ZNF500: variants seen among roughly 807,000 people sequenced by gnomAD.
The protein encoded by ZNF500 is zinc finger protein with KRAB and SCAN domains 18.
ZNF500 carries 31 observed loss-of-function variants against 30.1 expected under a neutral mutation model. The observed-to-expected ratio is 1.03, with a 90% CI of 0.77 to 1.39. The LOEUF is 1.39. Among genes scored for constraint, ZNF500 ranks in the 40% most tolerant of loss-of-function variants. The probability of loss-of-function intolerance (pLI) is 0.00; values close to 1 mark genes in which losing one functional copy is unlikely to be tolerated. For synonymous variants in ZNF500, 392 were observed against 282.0 expected (o/e 1.39, Z -3.91); for missense variants, 817 against 657.8 (o/e 1.24, Z -2.65).
At chr16:4,766,172 AC>A (rs2082263697) in intron 1 of ZNF500, 96 bp from the exon 2 acceptor site, 2 of 515,078 alleles carry the variant, frequency 3.9e-6, no homozygotes, top group Non-Finnish European at 6.5e-6. Context: ...AGGCCAGCTC[AC>A]CCCACCATGG....
downstream of ZNF500, chr16:4,745,129 C>A: frequency 7.6e-7 from 1 of 1,323,376 alleles, no homozygotes; most frequent in Admixed American, 2.1e-5. Context: ...CAGTCACTCT[C>A]AAGCATCTGA....
intron 2 of ZNF500, among the ~76,000 whole-genome samples, chr16:4,764,363 T>C (rs1251131453): frequency 6.6e-6 from 1 of 151,862 alleles, no homozygotes; most frequent in Admixed American, 6.6e-5. Context: ...CTGTCTCTAC[T>C]AAAAATACAA....
In ZNF500 at chr16:4,762,775, C is replaced by T. The variant is rs1013414728; in HGVS notation, c.415-19G>A. The T allele has an allele frequency of 5.7e-6, 9 of 1,571,380 alleles. No homozygotes were observed. In the Middle Eastern group the frequency reaches 1.4e-3, roughly 237 times the overall value. On this transcript the variant is annotated intron_variant, in intron 2 of 5. Coordinates refer to ENST00000219478, the MANE Select transcript of ZNF500 (RefSeq NM_021646.4). ...CTGAGCCCTGCACACAGACAGTGATCTCCCCACCAGCTCCCAGAAGGCCAG... is the reference window on the plus strand; with the variant it reads ...CTGAGCCCTGCACACAGACAGTGATTTCCCCACCAGCTCCCAGAAGGCCAG...
At chr16:4,760,889 C>A (rs2082191150) in intron 4 of ZNF500, among the ~76,000 whole-genome samples, 1 of 152,176 alleles carries the variant, frequency 6.6e-6, no homozygotes. Context: ...GAGACAAGAG[C>A]ATCCCCTGGC....
intron 4 of ZNF500, among the ~76,000 whole-genome samples, chr16:4,761,918 G>T (rs568532065): frequency 6.6e-6 from 1 of 152,082 alleles, no homozygotes; most frequent in African/African-American, 2.4e-5. Flanking sequence ...GCAAACAAAG[G>T]AGACTCCCAT....
downstream of ZNF500, among the ~76,000 whole-genome samples, chr16:4,744,446 G>A (rs2081987460): frequency 1.3e-5 from 2 of 152,030 alleles, 1 homozygote; most frequent in South Asian, 4.1e-4. Flanking sequence ...TCGATGAGGG[G>A]ATCTCCGTAG....
chr16:4,746,970 G>T, downstream of ZNF500: 2 of 1,554,710 alleles, frequency 1.3e-6, no homozygotes, highest in East Asian at 2.4e-5. Flanking sequence ...GGAGGAGGAA[G>T]AGATGGCAGC....
chr16:4,746,654 C>A (rs753806838), downstream of ZNF500: 56 of 1,180,238 alleles, frequency 4.7e-5, no homozygotes, highest in Middle Eastern at 7.1e-4. Context: ...AAAGTGCTGG[C>A]CTACAGTCCC....
At position 4,765,838 on chromosome 16, in the gene ZNF500, C is replaced by T. The variant is rs769704966; in HGVS notation, c.141G>A (p.Glu47=). Residue 47 remains glutamate (E), a synonymous_variant, in exon 2 of 6, where the codon GAG becomes GAA. Transcript: ENST00000219478. ...PSVETEDPSP[E]TFRQLFRLFC... ...AGAGCCGGAAGAGCTGGCGGAAAGT[C>T]TCAGGGCTGGGGTCCTCCGTCTCCA... 8 of 1,613,784 alleles carry T rather than the reference C, an allele frequency of 5.0e-6. No individual in the cohort carries two copies. Among genetic ancestry groups the T allele is most frequent in the South Asian group, 3.3e-5 (3 of 91,090 alleles).
chr16:4,757,600 C>T (rs1465680837), intron 5 of ZNF500, among the ~76,000 whole-genome samples: 1 of 150,450 alleles, frequency 6.6e-6, no homozygotes, highest in African/African-American at 2.4e-5. Context: ...ATGCCCGGCC[C>T]GTTTTTGTTT....
At chr16:4,745,468 C>T (rs2082003300), downstream of ZNF500, among the ~76,000 whole-genome samples, 1 of 152,230 alleles carries the variant, frequency 6.6e-6, no homozygotes, top group East Asian at 1.9e-4. Context: ...GGGAGAAAGG[C>T]AAGCTGCAGT....
At chr16:4,746,188 C>A, downstream of ZNF500, 1 of 572,202 alleles carries the variant, frequency 1.7e-6, no homozygotes, top group South Asian at 2.7e-5. Flanking sequence ...TTCTGTTGGC[C>A]AGTGGTGGCC....
At chr16:4,747,285 A>C, downstream of ZNF500, 4 of 1,498,846 alleles carry the variant, frequency 2.7e-6, no homozygotes, top group Non-Finnish European at 3.6e-6. Context: ...TTCAGTAAGG[A>C]GGGCTGGGAG....
chr16:4,746,436 A>T, downstream of ZNF500: 1 of 1,613,600 alleles, frequency 6.2e-7, no homozygotes, highest in African/African-American at 1.3e-5. Flanking sequence ...CCAGGGCATG[A>T]GGCTTAACGC....
intron 2 of ZNF500, chr16:4,764,114 T>C: frequency 1.0e-6 from 1 of 985,262 alleles, no homozygotes; most frequent in South Asian, 4.7e-5. Context: ...GCACTGTCTA[T>C]AGAGATTTCG....
At chr16:4,746,600 G>A, downstream of ZNF500, 1 of 1,432,638 alleles carries the variant, frequency 7.0e-7, no homozygotes, top group Non-Finnish European at 9.5e-7. Flanking sequence ...ATCCTGATGG[G>A]GAGGAACAGG....
In ZNF500 at chr16:4,762,659, T is replaced by G. The variant is rs2082219097; in HGVS notation, c.512A>C (p.Glu171Ala). 6.2e-7 allele frequency: 1 copy of G among 1,613,958 alleles called. No homozygotes were observed. Among genetic ancestry groups the G allele is most frequent in the South Asian group, 1.1e-5 (1 of 91,080 alleles). ...AEAQPEDLSL[E>A]EEARFSSQQP... ...CTGGCTGGAGAATCGAGCCTCTTCC[T>G]CCAGGGACAGATCCTCTGGCTGAGC... Residue 171 changes from glutamate (E) to alanine (A), a missense_variant, in exon 3 of 6, where the codon GAG becomes GCG. Coordinates refer to ENST00000219478, the MANE Select transcript of ZNF500 (RefSeq NM_021646.4).
Position 4,750,319 on chromosome 16 carries a change from C to G in ZNF500, c.*2057G>C, listed in dbSNP as rs1412518777. 3.9e-5 allele frequency: 6 copies of G among 151,918 alleles called. No individual in the cohort carries two copies. The highest frequency in any genetic ancestry group is 1.5e-4 in the African/African-American group (6 of 41,342). The allele number at this position is 151,918 out of a possible 1,614,324, so 9.4% of individuals were successfully genotyped here. ...AGCACACAGGGGCCAGAAGCAATGA[C>G]TTAAAAAAAAAATTGTTTATTTTAT... On this transcript the variant is annotated 3_prime_UTR_variant, in exon 6 of 6. Transcript: ENST00000219478.
intron 2 of ZNF500, chr16:4,762,991 C>CCT: frequency 2.0e-6 from 2 of 985,416 alleles, no homozygotes; most frequent in South Asian, 9.4e-5. Context: ...ACATTCTTAC[C>CCT]CTCTATTCCT....
Sources: allele counts gnomAD v4.1 joint callset (sites outside exome capture counted in the v4.1 genomes callset), GRCh38; gene constraint gnomAD v4.1.1; transcripts MANE v1.5; gene names NCBI Gene and HGNC (gene_info 2026-07-23, HGNC 2026-07-21).